ANKRD55: variants seen among roughly 807,000 people sequenced by gnomAD.
ANKRD55 encodes ankyrin repeat domain 55.
A neutral mutation model predicts 60.6 loss-of-function variants in ANKRD55; 41 were observed. The observed-to-expected ratio is 0.68, with a 90% confidence interval of 0.53 to 0.88. The LOEUF is 0.88. ANKRD55 is among the 40% of genes least tolerant of loss of function. The pLI, the probability that ANKRD55 is intolerant of heterozygous loss-of-function variation, is 0.00. For missense variants in ANKRD55, 732 were observed against 767.6 expected, an observed-to-expected ratio of 0.95 and a Z score of 0.55; for synonymous variants, 264 against 290.3, an observed-to-expected ratio of 0.91 and a Z score of 0.92.
At chr5:56,210,504 G>A (rs933246981) in intron 2 of ANKRD55, among the ~76,000 whole-genome samples, 1 of 147,506 alleles carries the variant, frequency 6.8e-6, no homozygotes, top group African/African-American at 2.5e-5. Flanking sequence ...GGAGCTTGCA[G>A]TGAGCCGAGA....
chr5:56,164,107 A>C (rs904852974), intron 5 of ANKRD55, among the ~76,000 whole-genome samples: 1 of 152,150 alleles, frequency 6.6e-6, no homozygotes, highest in African/African-American at 2.4e-5. Flanking sequence ...ACAAACAAAA[A>C]ACAAACAAAA....
intron 3 of ANKRD55, 102 bp downstream of exon 3, chr5:56,183,410 T>C (rs1758893229): frequency 1.4e-6 from 2 of 1,454,218 alleles, no homozygotes; most frequent in African/African-American, 1.4e-5. Context: ...AGTATCAAAA[T>C]GGCTGGTCAG....
intron 6 of ANKRD55, among the ~76,000 whole-genome samples, chr5:56,147,976 G>A (rs1489261278): frequency 6.6e-6 from 1 of 152,134 alleles, no homozygotes; most frequent in African/African-American, 2.4e-5. Flanking sequence ...CAAACATCAG[G>A]CTTAGCAATT....
intron 5 of ANKRD55, among the ~76,000 whole-genome samples, chr5:56,166,670 A>G (rs976820226): frequency 6.6e-6 from 1 of 152,238 alleles, no homozygotes; most frequent in Non-Finnish European, 1.5e-5. Context: ...GACATGATCT[A>G]TAGTCCTACA....
intron 2 of ANKRD55, among the ~76,000 whole-genome samples, chr5:56,203,847 A>G (rs1184842977): frequency 1.3e-5 from 2 of 152,182 alleles, no homozygotes; most frequent in African/African-American, 2.4e-5. Flanking sequence ...TTGGGTATAT[A>G]CCCAGTAATG....
intron 8 of ANKRD55, among the ~76,000 whole-genome samples, chr5:56,120,338 A>G (rs1757006442): frequency 6.6e-6 from 1 of 151,982 alleles, no homozygotes; most frequent in African/African-American, 2.4e-5. Flanking sequence ...TCTTAACACC[A>G]TTTCTTCATG....
chr5:56,126,915 T>C lies in ANKRD55; in HGVS notation c.797+7A>G, dbSNP rs763753117. 5 of 1,593,338 alleles carry C rather than the reference T, an allele frequency of 3.1e-6. No individual in the cohort carries two copies. The highest frequency in any genetic ancestry group is 1.1e-5 in the South Asian group (1 of 88,152). The stretch of plus-strand genomic sequence containing the variant: ...GTTTCCCAGCACTTTCTGGTTACCA[T>C]GGATACCTGTCATCCACATCCAGAG... On this transcript the variant is annotated splice_region_variant and intron_variant, in intron 8 of 11. Transcript: ENST00000341048.
At chr5:56,111,074 A>G (rs1756675506) in intron 10 of ANKRD55, 44 bp downstream of exon 10, 8 of 1,572,930 alleles carry the variant, frequency 5.1e-6, no homozygotes, top group Non-Finnish European at 6.9e-6. Flanking sequence ...GGACATTTCC[A>G]GTATAGAGCC....
At chr5:56,164,776 ACC>A (rs1184092880) in intron 5 of ANKRD55, among the ~76,000 whole-genome samples, 5 of 152,208 alleles carry the variant, frequency 3.3e-5, no homozygotes, top group Admixed American at 6.5e-5. Context: ...GAAAACTTGG[ACC>A]TGCTGAGAAG....
At chr5:56,191,313 AAT>A (rs1268567395) in intron 2 of ANKRD55, among the ~76,000 whole-genome samples, 1 of 152,182 alleles carries the variant, frequency 6.6e-6, no homozygotes, top group African/African-American at 2.4e-5. Context: ...GCATCTTAAT[AAT>A]ATTAAGTTTT....
At chr5:56,205,959 T>C (rs1293414391) in intron 2 of ANKRD55, among the ~76,000 whole-genome samples, 3 of 150,294 alleles carry the variant, frequency 2.0e-5, no homozygotes, top group African/African-American at 7.5e-5. Flanking sequence ...ATGCATTTTT[T>C]TTTCTTTCTT....
chr5:56,159,318 G>C (rs139213144), intron 6 of ANKRD55, among the ~76,000 whole-genome samples: 2 of 152,286 alleles, frequency 1.3e-5, no homozygotes, highest in African/African-American at 2.4e-5. Flanking sequence ...AAAATTAGCC[G>C]GGTGTGGTGG....
intron 2 of ANKRD55, among the ~76,000 whole-genome samples, chr5:56,188,477 T>C (rs558224327): frequency 1.3e-5 from 2 of 152,318 alleles, no homozygotes; most frequent in South Asian, 4.1e-4. Context: ...CTTTAATCCA[T>C]TTTGATTTGA....
intron 2 of ANKRD55, among the ~76,000 whole-genome samples, chr5:56,184,703 G>T (rs530837016): frequency 6.6e-6 from 1 of 152,102 alleles, no homozygotes; most frequent in South Asian, 2.1e-4. Context: ...TTCGAGATCA[G>T]CCTGGGCAAC....
chr5:56,232,136 C>T (rs542389296), intron 2 of ANKRD55, among the ~76,000 whole-genome samples: 36 of 152,254 alleles, frequency 2.4e-4, no homozygotes, highest in Middle Eastern at 3.4e-3. Context: ...AAGTATTACA[C>T]GAAGATGTAT....
At chr5:56,216,718 C>A in intron 2 of ANKRD55, among the ~76,000 whole-genome samples, 1 of 152,210 alleles carries the variant, frequency 6.6e-6, no homozygotes, top group South Asian at 2.1e-4. Flanking sequence ...AGAGGAAGCC[C>A]CTAACTTTCT....
Position 56,132,456 on chromosome 5 carries a change from T to C in ANKRD55, c.613-5350A>G, listed in dbSNP as rs1034886456. Reference sequence around the variant, plus strand: ...AAAAAAAAAAATTAGCTGGGTGTGGTGGCGGGCGCCTGTAGTCCCAACTAC... The same window carrying C: ...AAAAAAAAAAATTAGCTGGGTGTGGCGGCGGGCGCCTGTAGTCCCAACTAC... On this transcript the variant is annotated intron_variant, in intron 7 of 11. Transcript: ENST00000341048. 2.1e-5 allele frequency among the ~76,000 whole-genome samples: 3 copies of C among 142,314 alleles called. No individual in the cohort carries two copies. In the East Asian group the frequency reaches 5.9e-4, roughly 28 times the overall value. The allele number at this position is 142,314 out of a possible 152,430, so 93.4% of individuals were successfully genotyped here.
chr5:56,231,649 GCGCGCACACACACA>G (rs1561301807), intron 2 of ANKRD55, among the ~76,000 whole-genome samples: 1 of 127,846 alleles, frequency 7.8e-6, no homozygotes, highest in South Asian at 2.4e-4. Context: ...CGTTCTGAAG[GCGCGCACACACACA>G]CACACACACA....
chr5:56,224,524 C>T (rs1165833568), intron 2 of ANKRD55, among the ~76,000 whole-genome samples: 1 of 152,072 alleles, frequency 6.6e-6, no homozygotes, highest in Non-Finnish European at 1.5e-5. Flanking sequence ...ACAAAAAACC[C>T]TTCAAAAAAT....
Sources: gnomAD v4.1 joint callset for allele counts (sites outside exome capture counted in the v4.1 genomes callset) on GRCh38, gnomAD v4.1.1 for gene constraint, MANE v1.5 for transcripts, NCBI Gene and HGNC (gene_info 2026-07-23, HGNC 2026-07-21) for gene names.